Variants in RBFOX1 observed in about 807,000 individuals in gnomAD.
RBFOX1 encodes the protein RNA binding fox-1 homolog 1, also known as RNA binding protein fox-1 homolog 1.
In RBFOX1, 8 loss-of-function variants were observed where a neutral mutation model predicts 57.7. The ratio of observed to expected loss-of-function variants is 0.14; its 90% CI spans 0.08 to 0.25. RBFOX1 has a LOEUF of 0.25. Ranked by LOEUF, RBFOX1 falls within the 10% of genes least tolerant of loss-of-function variation. The probability of loss-of-function intolerance (pLI) is 1.00; values close to 1 mark genes in which losing one functional copy is unlikely to be tolerated. For synonymous variants in RBFOX1, 326 were observed against 222.4 expected (o/e 1.47, Z -4.15); for missense variants, 611 against 548.5 (o/e 1.11, Z -1.14).
intron 3 of RBFOX1, among the ~76,000 whole-genome samples, chr16:5,641,649 G>A (rs1421217860): frequency 6.6e-6 from 1 of 152,198 alleles, no homozygotes; most frequent in African/African-American, 2.4e-5. Flanking sequence ...AGTGGCCTGG[G>A]GAAGTATGCT....
chr16:6,912,839 C>G (rs1030477145), intron 3 of RBFOX1, among the ~76,000 whole-genome samples: 4 of 151,968 alleles, frequency 2.6e-5, no homozygotes, highest in Non-Finnish European at 5.9e-5. Context: ...AGGCTAGACT[C>G]AAACTCCTGA....
chr16:7,249,198 A>G (rs970218355), intron 4 of RBFOX1, among the ~76,000 whole-genome samples: 3 of 152,184 alleles, frequency 2.0e-5, no homozygotes, highest in East Asian at 1.9e-4. Flanking sequence ...AGTTGACTAC[A>G]TTTTTAAATG....
At chr16:6,559,302 C>G (rs1019822218) in intron 2 of RBFOX1, among the ~76,000 whole-genome samples, 25 of 152,056 alleles carry the variant, frequency 1.6e-4, no homozygotes, top group Admixed American at 5.2e-4. Context: ...TTCTCTCAGT[C>G]TATTTCTCTC....
chr16:7,162,952 C>T (rs977109252), intron 4 of RBFOX1, among the ~76,000 whole-genome samples: 1 of 152,082 alleles, frequency 6.6e-6, no homozygotes, highest in Non-Finnish European at 1.5e-5. Context: ...ATCACCTGAC[C>T]TAATGACCTT....
intron 4 of RBFOX1, among the ~76,000 whole-genome samples, chr16:7,067,900 G>A (rs1384860647): frequency 6.7e-5 from 10 of 150,190 alleles, no homozygotes; most frequent in Non-Finnish European, 1.2e-4. Context: ...ATTCCATGGT[G>A]TATTTTACTG....
At chr16:7,201,610 C>T (rs554567249) in intron 4 of RBFOX1, among the ~76,000 whole-genome samples, 4 of 152,120 alleles carry the variant, frequency 2.6e-5, no homozygotes, top group African/African-American at 9.6e-5. Flanking sequence ...TTACAGGTGT[C>T]CAACACCACG....
intron 4 of RBFOX1, among the ~76,000 whole-genome samples, chr16:7,060,322 A>C (rs966298533): frequency 6.6e-6 from 1 of 152,206 alleles, no homozygotes; most frequent in African/African-American, 2.4e-5. Flanking sequence ...CTGAAATGTT[A>C]GTGAGGTGTA....
intron 2 of RBFOX1, among the ~76,000 whole-genome samples, chr16:5,527,657 T>A (rs556491252): frequency 6.6e-6 from 1 of 152,140 alleles, no homozygotes; most frequent in Non-Finnish European, 1.5e-5. Context: ...GGGTTTAGGA[T>A]GGTTTTTTGG....
chr16:7,491,733 C>T (rs1599840860), intron 4 of RBFOX1, among the ~76,000 whole-genome samples: 2 of 152,266 alleles, frequency 1.3e-5, no homozygotes, highest in Admixed American at 1.3e-4. Flanking sequence ...TGGGCTCAAG[C>T]AATCCTCCTG....
intron 4 of RBFOX1, among the ~76,000 whole-genome samples, chr16:7,434,236 C>T (rs567021265): frequency 2.6e-5 from 4 of 152,138 alleles, no homozygotes; most frequent in East Asian, 3.9e-4. Flanking sequence ...TTTTGGGACG[C>T]CAAGGCAGGC....
chr16:6,498,077 C>T (rs750717444), intron 2 of RBFOX1, among the ~76,000 whole-genome samples: 9 of 151,566 alleles, frequency 5.9e-5, no homozygotes, highest in Non-Finnish European at 1.3e-4. Flanking sequence ...GATGAAACCC[C>T]GTCTCTACTT....
At chr16:5,698,082 C>A (rs566001401) in intron 3 of RBFOX1, among the ~76,000 whole-genome samples, 2 of 152,052 alleles carry the variant, frequency 1.3e-5, no homozygotes, top group African/African-American at 4.8e-5. Context: ...TTGGACTAAA[C>A]ATTATTTTAT....
At chr16:5,258,839 C>G (rs2062655177) in intron 1 of RBFOX1, among the ~76,000 whole-genome samples, 1 of 151,986 alleles carries the variant, frequency 6.6e-6, no homozygotes, top group South Asian at 2.1e-4. Context: ...TCTCTTGAAG[C>G]CGGGAGGTGG....
intron 2 of RBFOX1, among the ~76,000 whole-genome samples, chr16:5,568,307 C>G (rs1204409201): frequency 6.6e-6 from 1 of 152,188 alleles, no homozygotes; most frequent in Non-Finnish European, 1.5e-5. Flanking sequence ...TCCCTGTGAT[C>G]TCTTGCTTCA....
intron 3 of RBFOX1, among the ~76,000 whole-genome samples, chr16:5,721,068 A>G (rs527870614): frequency 6.6e-6 from 1 of 152,110 alleles, no homozygotes; most frequent in East Asian, 1.9e-4. Context: ...TATGAATTTT[A>G]TTTTCATTTA....
intron 3 of RBFOX1, among the ~76,000 whole-genome samples, chr16:6,828,572 C>T (rs2092421757): frequency 6.6e-6 from 1 of 151,670 alleles, no homozygotes; most frequent in South Asian, 2.1e-4. Context: ...AGGCTGTGGG[C>T]TGATCAGATC....
chr16:5,415,101 A>C (rs1483676146), intron 1 of RBFOX1, among the ~76,000 whole-genome samples: 1 of 152,226 alleles, frequency 6.6e-6, no homozygotes, highest in African/African-American at 2.4e-5. Flanking sequence ...ATGTCTAATC[A>C]CACCGTGTAT....
chr16:7,313,466 T>A (rs12920462), intron 4 of RBFOX1, among the ~76,000 whole-genome samples: 1 of 81,458 alleles, frequency 1.2e-5, no homozygotes, highest in Non-Finnish European at 2.4e-5. Flanking sequence ...TTTTTTTTTC[T>A]TTTCTTGTCT....
intron 3 of RBFOX1, among the ~76,000 whole-genome samples, chr16:5,759,096 C>G (rs2053499549): frequency 6.6e-6 from 1 of 152,168 alleles, no homozygotes; most frequent in African/African-American, 2.4e-5. Flanking sequence ...ATATACTTCT[C>G]TGAAGAACAT....
Sources: gnomAD v4.1 joint callset for allele counts (sites outside exome capture counted in the v4.1 genomes callset) on GRCh38, gnomAD v4.1.1 for gene constraint, MANE v1.5 for transcripts, NCBI Gene and HGNC (gene_info 2026-07-23, HGNC 2026-07-21) for gene names.